ZNF536: variants seen among roughly 807,000 people sequenced by gnomAD.
ZNF536 encodes the protein zinc finger protein 536.
In ZNF536, 13 loss-of-function variants were observed where a neutral mutation model predicts 84.5. That is an observed-to-expected ratio of 0.15 (90% CI 0.10 to 0.24). ZNF536 has a LOEUF of 0.24. Among genes scored for constraint, ZNF536 ranks in the 10% least tolerant of loss-of-function variants. ZNF536 has a pLI of 1.00. For synonymous variants in ZNF536, 811 were observed against 742.5 expected (o/e 1.09, Z -1.50); for missense variants, 1,536 against 1,747.5 (o/e 0.88, Z 2.16).
At chr19:30,613,809 C>T (rs1415854330) in intron 1 of ZNF536, among the ~76,000 whole-genome samples, 1 of 152,018 alleles carries the variant, frequency 6.6e-6, no homozygotes, top group Non-Finnish European at 1.5e-5. Flanking sequence ...AATTTTTAAG[C>T]ACAGATTGAA....
At chr19:30,658,539 TCA>T (rs144517985) in intron 1 of ZNF536, among the ~76,000 whole-genome samples, 39 of 148,616 alleles carry the variant, frequency 2.6e-4, no homozygotes, top group South Asian at 8.5e-4. Context: ...CCTCTCTCTG[TCA>T]CACACACACA....
intron 1 of ZNF536, among the ~76,000 whole-genome samples, chr19:30,661,626 T>A (rs1026444024): frequency 1.3e-5 from 2 of 152,206 alleles, no homozygotes; most frequent in African/African-American, 2.4e-5. Flanking sequence ...GACTTTCGCA[T>A]AAGGATATTA....
At chr19:30,628,283 G>A (rs568499327) in intron 1 of ZNF536, among the ~76,000 whole-genome samples, 3 of 152,194 alleles carry the variant, frequency 2.0e-5, no homozygotes, top group Non-Finnish European at 2.9e-5. Flanking sequence ...TGCTGGCCCC[G>A]TGGCTCTGCC....
intron 2 of ZNF536, among the ~76,000 whole-genome samples, chr19:30,295,916 C>G (rs1363020668): frequency 6.6e-6 from 1 of 152,164 alleles, no homozygotes; most frequent in East Asian, 1.9e-4. Context: ...GAGGTGTTTT[C>G]CATGCTGAAC....
In ZNF536 at chr19:30,466,747, AGAAAGGAG is replaced by A. The variant is rs771878908; in HGVS notation, c.2170+21017_2170+21024del. Among the ~76,000 whole-genome samples, 516 of 71,274 alleles carry A rather than the reference AGAAAGGAG, an allele frequency of 7.2e-3. 3 individuals are homozygous for A. The highest frequency in any genetic ancestry group is 0.034 in the African/African-American group (472 of 13,846). 46.8% of individuals were successfully genotyped at this position (71,274 alleles called of 152,430 possible). ...AAGGAAGGAGGGAGGGAGGGAAGGA[AGAAAGGAG>A]GGAAGGAAGGAAGGAAGGAAGGAAG... is the stretch of plus-strand genomic sequence containing the variant. On this transcript the variant is annotated intron_variant, in intron 2 of 4. Transcript: ENST00000355537.
At chr19:30,682,843 A>C (rs929218375) in intron 1 of ZNF536, among the ~76,000 whole-genome samples, 4 of 152,050 alleles carry the variant, frequency 2.6e-5, no homozygotes, top group African/African-American at 7.3e-5. Flanking sequence ...TGGCACCAGC[A>C]CCCTCCTGAA....
intron 1 of ZNF536, among the ~76,000 whole-genome samples, chr19:30,386,461 C>T (rs1301022360): frequency 2.0e-5 from 3 of 152,162 alleles, no homozygotes; most frequent in Admixed American, 6.5e-5. Flanking sequence ...ACTGAAGAGT[C>T]GACCTCTCTG....
intron 1 of ZNF536, among the ~76,000 whole-genome samples, chr19:30,594,601 G>A (rs1400782080): frequency 6.6e-6 from 1 of 152,094 alleles, no homozygotes; most frequent in South Asian, 2.1e-4. Context: ...ATCATTAGGC[G>A]CTCGTCTGCA....
intron 1 of ZNF536, among the ~76,000 whole-genome samples, chr19:30,617,357 T>C (rs2048335543): frequency 1.0e-5 from 1 of 99,714 alleles, no homozygotes; most frequent in South Asian, 3.3e-4. Flanking sequence ...TTTTTTTTTT[T>C]TTTTTTTTTA....
chr19:30,236,036 T>C (rs2023470484), intron 1 of ZNF536, among the ~76,000 whole-genome samples: 2 of 152,186 alleles, frequency 1.3e-5, no homozygotes, highest in South Asian at 4.1e-4. Flanking sequence ...TCAATGCTGG[T>C]GGGTGGGCAG....
intron 1 of ZNF536, among the ~76,000 whole-genome samples, chr19:30,642,979 TGG>T (rs2049321215): frequency 6.6e-6 from 1 of 152,220 alleles, no homozygotes; most frequent in Non-Finnish European, 1.5e-5. Flanking sequence ...CCAAAAGTCA[TGG>T]AGCTGGGCCT....
chr19:30,421,379 T>G (rs1041537858), intron 1 of ZNF536, among the ~76,000 whole-genome samples: 1 of 152,106 alleles, frequency 6.6e-6, no homozygotes, highest in African/African-American at 2.4e-5. Context: ...CCAGGGCGAC[T>G]TCATTTTTTT....
At chr19:30,516,819 G>A (rs1422683007) in intron 2 of ZNF536, among the ~76,000 whole-genome samples, 1 of 152,128 alleles carries the variant, frequency 6.6e-6, no homozygotes, top group Non-Finnish European at 1.5e-5. Flanking sequence ...CAGTGGAAGT[G>A]CGAGGCTTCG....
rs11454529 is a variant in ZNF536, at chr19:30,606,170, T to TAAATAAAATAAAATAAAATA, written c.169+56663_169+56682dup. ...CCTCATCTCTAAAAATAAAATAAAA[T>TAAATAAAATAAAATAAAATA]AAATAAAATAAAATAAAATAAAATA... On this transcript the variant is annotated intron_variant, in intron 1 of 1. Transcript: ENST00000592773. Among the ~76,000 whole-genome samples, 50 of 101,632 alleles carry TAAATAAAATAAAATAAAATA rather than the reference T, an allele frequency of 4.9e-4. 3 individuals are homozygous for TAAATAAAATAAAATAAAATA. Among genetic ancestry groups the TAAATAAAATAAAATAAAATA allele is most frequent in the South Asian group, 1.3e-3 (4 of 3,172 alleles). 66.7% of individuals were successfully genotyped at this position (101,632 alleles called of 152,430 possible).
chr19:30,476,626 G>C (rs2053856427), intron 2 of ZNF536, among the ~76,000 whole-genome samples: 1 of 152,190 alleles, frequency 6.6e-6, no homozygotes, highest in African/African-American at 2.4e-5. Context: ...AAAGGAAATA[G>C]GGAGATGGAC....
intron 3 of ZNF536, among the ~76,000 whole-genome samples, chr19:30,352,656 C>T (rs1341564168): frequency 6.6e-6 from 1 of 152,184 alleles, no homozygotes; most frequent in Non-Finnish European, 1.5e-5. Context: ...CCCGTACCTG[C>T]CCAGTAAGCT....
chr19:30,333,940 C>A (rs2047298018), intron 2 of ZNF536, among the ~76,000 whole-genome samples: 1 of 152,148 alleles, frequency 6.6e-6, no homozygotes, highest in African/African-American at 2.4e-5. Context: ...TAAAAAATCA[C>A]TCTTTTGGTG....
At chr19:30,455,940 T>C (rs1279705675) in intron 2 of ZNF536, among the ~76,000 whole-genome samples, 6 of 152,246 alleles carry the variant, frequency 3.9e-5, no homozygotes, top group Non-Finnish European at 8.8e-5. Flanking sequence ...TTTCTTGTCA[T>C]TGAACATTTC....
intron 1 of ZNF536, among the ~76,000 whole-genome samples, chr19:30,277,414 T>TGTG (rs1293171569): frequency 6.6e-6 from 1 of 152,218 alleles, no homozygotes; most frequent in East Asian, 1.9e-4. Context: ...ATCAGGTTTC[T>TGTG]GTGAGCTTCT....
Sources: gnomAD v4.1 joint callset for allele counts (sites outside exome capture counted in the v4.1 genomes callset) on GRCh38, gnomAD v4.1.1 for gene constraint, MANE v1.5 for transcripts, NCBI Gene and HGNC (gene_info 2026-07-23, HGNC 2026-07-21) for gene names.